The following CTBP2 variants were observed in gnomAD, a reference collection of about 807,000 sequenced individuals.
The protein encoded by CTBP2 is C-terminal-binding protein 2.
In CTBP2, 30 loss-of-function variants were observed where a neutral mutation model predicts 80.3. The ratio of observed to expected loss-of-function variants is 0.37; its 90% CI spans 0.28 to 0.51. The LOEUF (loss-of-function observed/expected upper bound fraction) is 0.51. Ranked by LOEUF, CTBP2 falls within the 20% of genes least tolerant of loss-of-function variation. The pLI is 0.93. For synonymous variants in CTBP2, 594 were observed against 587.4 expected (o/e 1.01, Z -0.16); for missense variants, 1,212 against 1,375.3 (o/e 0.88, Z 1.88).
chr10:125,079,648 A>C (rs1021591892), intron 2 of CTBP2, among the ~76,000 whole-genome samples: 37 of 152,354 alleles, frequency 2.4e-4, no homozygotes, highest in African/African-American at 8.9e-4. Context: ...ATTCTCCTGT[A>C]ATGTCCCAAT....
At chr10:125,042,578 G>A (rs1269502654) in intron 2 of CTBP2, among the ~76,000 whole-genome samples, 1 of 152,200 alleles carries the variant, frequency 6.6e-6, no homozygotes, top group Admixed American at 6.5e-5. Flanking sequence ...GACCCCACTC[G>A]TGGAATGAGC....
chr10:125,061,459 A>G (rs952451535), intron 2 of CTBP2, among the ~76,000 whole-genome samples: 1 of 152,162 alleles, frequency 6.6e-6, no homozygotes, highest in African/African-American at 2.4e-5. Context: ...AGGAAGGGGT[A>G]CAGGCCCTGC....
At chr10:125,136,702 A>G (rs756448423) in intron 1 of CTBP2, among the ~76,000 whole-genome samples, 1 of 152,208 alleles carries the variant, frequency 6.6e-6, no homozygotes, top group Non-Finnish European at 1.5e-5. Context: ...GACTCACTCT[A>G]TCTTCAACAT....
chr10:125,014,643 C>A (rs1220048307), intron 1 of CTBP2, among the ~76,000 whole-genome samples: 1 of 152,250 alleles, frequency 6.6e-6, no homozygotes, highest in East Asian at 1.9e-4. Flanking sequence ...TGCCTGAGCC[C>A]GTAGGCCTCT....
At chr10:125,049,736 C>T (rs567852695) in intron 2 of CTBP2, among the ~76,000 whole-genome samples, 3 of 152,208 alleles carry the variant, frequency 2.0e-5, no homozygotes, top group Admixed American at 1.3e-4. Flanking sequence ...GCCAAGTGTC[C>T]GGAGAGATTA....
chr10:125,157,621 C>T (rs1861158968), intron 1 of CTBP2, among the ~76,000 whole-genome samples: 1 of 151,828 alleles, frequency 6.6e-6, no homozygotes, highest in South Asian at 2.1e-4. Context: ...TCAACCCTCT[C>T]TCCCTTTTAC....
intron 1 of CTBP2, among the ~76,000 whole-genome samples, chr10:125,021,918 A>G (rs1957078000): frequency 6.6e-6 from 1 of 152,244 alleles, no homozygotes; most frequent in African/African-American, 2.4e-5. Context: ...AAGGGAGGCC[A>G]TGCCGAGGTT....
At chr10:125,072,634 G>GAAAAAAAAAAAAAAAAAAAAAAAAAAAA (rs55742060) in intron 2 of CTBP2, among the ~76,000 whole-genome samples, 1 of 100,140 alleles carries the variant, frequency 1.0e-5, no homozygotes, top group Non-Finnish European at 1.9e-5. Context: ...AAAAAGAAAA[G>GAAAAAAAAAAAAAAAAAAAAAAAAAAAA]AAAAAAAAAA....
At chr10:125,031,996 T>C (rs1958282763), upstream of CTBP2, among the ~76,000 whole-genome samples, 1 of 151,932 alleles carries the variant, frequency 6.6e-6, no homozygotes. Flanking sequence ...AACTATATTG[T>C]AAAGCTTCCT....
chr10:125,038,606 T>C lies in CTBP2; in HGVS notation c.58+391A>G, dbSNP rs534572974. Among the ~76,000 whole-genome samples, 24 of 152,338 alleles carry C rather than the reference T, an allele frequency of 1.6e-4. No individual in the cohort carries two copies. The East Asian group carries it at 3.1e-3, about 20-fold the overall frequency. ...AATGCTGGGCTCTTCAGGAATCTCATAGTATCAGGGAATTCAGCATTGTAA... is the reference window on the plus strand; with the variant it reads ...AATGCTGGGCTCTTCAGGAATCTCACAGTATCAGGGAATTCAGCATTGTAA... On this transcript the variant is annotated intron_variant, in intron 3 of 10. Transcript: ENST00000337195.
chr10:125,081,932 C>A (rs187809230), intron 2 of CTBP2, among the ~76,000 whole-genome samples: 1 of 152,098 alleles, frequency 6.6e-6, no homozygotes, highest in East Asian at 1.9e-4. Flanking sequence ...CACCGAGAAC[C>A]CACCCTGTCT....
At chr10:125,056,951 T>C (rs1250327501) in intron 2 of CTBP2, among the ~76,000 whole-genome samples, 1 of 152,214 alleles carries the variant, frequency 6.6e-6, no homozygotes, top group Non-Finnish European at 1.5e-5. Flanking sequence ...CCTCATTGCT[T>C]TCTCCATCAC....
intron 2 of CTBP2, among the ~76,000 whole-genome samples, chr10:125,088,571 T>A (rs187371815): frequency 6.6e-6 from 1 of 152,248 alleles, no homozygotes; most frequent in Admixed American, 6.5e-5. Flanking sequence ...CAAGCTGAAA[T>A]CACCCCGGAT....
intron 1 of CTBP2, among the ~76,000 whole-genome samples, chr10:125,159,662 C>T (rs1432198175): frequency 2.7e-5 from 4 of 149,954 alleles, no homozygotes; most frequent in Non-Finnish European, 6.0e-5. Context: ...CCCTGGGGAC[C>T]GAGAGCCGCT....
chr10:125,055,767 A>G (rs532764110), intron 2 of CTBP2, among the ~76,000 whole-genome samples: 259 of 152,362 alleles, frequency 1.7e-3, no homozygotes, highest in Non-Finnish European at 3.0e-3. Flanking sequence ...AGGCAGGTAG[A>G]CACATACCCA....
At position 125,039,982 on chromosome 10, in the gene CTBP2, C is replaced by T. The variant is rs149868785; in HGVS notation, c.-101-827G>A. ...GATTCTCTAGAGGGAGACCTGACTG[C>T]GGCCTGGGGAAGAGGAGCTGCTGCC... On this transcript the variant is annotated intron_variant, in intron 2 of 10. Transcript: ENST00000337195. 4.6e-3 allele frequency among the ~76,000 whole-genome samples: 707 copies of T among 152,254 alleles called. 3 individuals are homozygous for T. Among genetic ancestry groups the T allele is most frequent in the Non-Finnish European group, 7.1e-3 (480 of 68,006 alleles).
intron 1 of CTBP2, among the ~76,000 whole-genome samples, chr10:125,135,918 G>C (rs894040215): frequency 6.6e-6 from 1 of 152,166 alleles, no homozygotes; most frequent in Non-Finnish European, 1.5e-5. Flanking sequence ...GTGGGGCAGC[G>C]AAGTTAGGAC....
chr10:125,159,373 C>T (rs933844357), intron 1 of CTBP2, among the ~76,000 whole-genome samples: 2 of 146,440 alleles, frequency 1.4e-5, no homozygotes, highest in East Asian at 2.0e-4. Flanking sequence ...GTGGTGCCCG[C>T]GGGAGCGCGG....
chr10:125,035,500 T>C (rs1003102504), intron 3 of CTBP2, among the ~76,000 whole-genome samples: 2 of 152,212 alleles, frequency 1.3e-5, no homozygotes, highest in African/African-American at 2.4e-5. Context: ...ACGAAACACA[T>C]ACTTTTTTCA....
Sources: allele counts gnomAD v4.1 joint callset (sites outside exome capture counted in the v4.1 genomes callset), GRCh38; gene constraint gnomAD v4.1.1; transcripts MANE v1.5; gene names NCBI Gene and HGNC (gene_info 2026-07-23, HGNC 2026-07-21).